Variants in SOD2 observed in about 807,000 individuals in gnomAD.
SOD2 encodes the protein superoxide dismutase [Mn], mitochondrial.
Under a neutral mutation model 27.0 loss-of-function variants are expected in SOD2, and 11 were observed. The ratio of observed to expected loss-of-function variants is 0.41; its 90% CI spans 0.26 to 0.67. The LOEUF is 0.67. Ranked by LOEUF, SOD2 falls within the 30% of genes least tolerant of loss-of-function variation. The pLI, the probability that SOD2 is intolerant of heterozygous loss-of-function variation, is 0.34. For missense variants in SOD2, 250 were observed against 274.5 expected (o/e 0.91, Z 0.63); for synonymous variants, 105 against 103.0 (o/e 1.02, Z -0.12).
intron 1 of SOD2, among the ~76,000 whole-genome samples, chr6:159,720,046 G>C (rs1778002836): frequency 7.0e-6 from 1 of 142,950 alleles, no homozygotes; most frequent in African/African-American, 2.6e-5. Context: ...TTTTTTGGTG[G>C]GGGGGACAGA....
In SOD2 at chr6:159,680,068, C is replaced by A. The variant is rs1779880572; in HGVS notation, c.*2425G>T. 6.6e-6 allele frequency: 1 copy of A among 152,170 alleles called. No individual in the cohort carries two copies. Among genetic ancestry groups the A allele is most frequent in the South Asian group, 2.1e-4 (1 of 4,832 alleles). The allele number at this position is 152,170 out of a possible 1,614,324, so 9.4% of individuals were successfully genotyped here. Reference sequence around the variant, plus strand: ...GAAAGAATGCTTCCTCACTCTCTCACCAGAAAGCCAAAGCAAAAATAGAGC... The same window carrying A: ...GAAAGAATGCTTCCTCACTCTCTCAACAGAAAGCCAAAGCAAAAATAGAGC... On this transcript the variant is annotated 3_prime_UTR_variant, in exon 5 of 5. Coordinates refer to ENST00000538183, the MANE Select transcript of SOD2 (RefSeq NM_000636.4).
chr6:159,696,332 C>G (rs1178287805), upstream of SOD2, among the ~76,000 whole-genome samples: 1 of 152,018 alleles, frequency 6.6e-6, no homozygotes, highest in African/African-American at 2.4e-5. Flanking sequence ...TTTATTTTTT[C>G]TTTCCGAATC....
At chr6:159,700,054 CATAAA>C (rs1469022659) in intron 1 of SOD2, among the ~76,000 whole-genome samples, 1 of 152,188 alleles carries the variant, frequency 6.6e-6, no homozygotes, top group African/African-American at 2.4e-5. Context: ...GATAAAATCG[CATAAA>C]ATAAAACTTC....
In SOD2 at chr6:159,673,186, T is replaced by C. The variant is rs948640826; in HGVS notation, c.*9307A>G. ...CACCCCACTGTCAATATTAGACAGA[T>C]CAACGAGACAGAAAGTTAACAAGGA... is the stretch of plus-strand genomic sequence containing the variant. On this transcript the variant is annotated 3_prime_UTR_variant, in exon 5 of 5. Coordinates refer to ENST00000538183, the MANE Select transcript of SOD2 (RefSeq NM_000636.4). The C allele has an allele frequency of 6.6e-6, 1 of 152,102 alleles. No homozygotes were observed. 9.4% of individuals were successfully genotyped at this position (152,102 alleles called of 1,614,324 possible).
intron 1 of SOD2, among the ~76,000 whole-genome samples, chr6:159,734,008 TTTAC>T (rs1336865891): frequency 1.3e-5 from 2 of 152,218 alleles, no homozygotes; most frequent in African/African-American, 4.8e-5. Flanking sequence ...TTCAACACAA[TTTAC>T]TTAATCTGAA....
rs1397481811 is a variant in SOD2, at chr6:159,671,891, C to A, written c.*10602G>T. On this transcript the variant is annotated 3_prime_UTR_variant, in exon 5 of 5. Coordinates refer to ENST00000538183, the MANE Select transcript of SOD2 (RefSeq NM_000636.4). The stretch of plus-strand genomic sequence containing the variant: ...ACTAGAATAACCAGCATAGAGAAGT[C>A]CTTAAATGACCTGATGGAGCTGAAA... The A allele has an allele frequency of 6.6e-6, 1 of 152,134 alleles. No homozygotes were observed. The highest frequency in any genetic ancestry group is 2.4e-5 in the African/African-American group (1 of 41,426). 9.4% of individuals were successfully genotyped at this position (152,134 alleles called of 1,614,324 possible). A position where few individuals can be genotyped will look rare whatever the true frequency, so the allele number is the denominator to read the frequency against.
intron 1 of SOD2, chr6:159,741,505 A>G (rs1161469893): frequency 2.6e-5 from 4 of 151,502 alleles, no homozygotes; most frequent in Non-Finnish European, 5.9e-5. Context: ...CAGCAGTGGG[A>G]TTTTTTTTTC....
chr6:159,711,623 T>A (rs1340620309), intron 1 of SOD2, among the ~76,000 whole-genome samples: 2 of 91,040 alleles, frequency 2.2e-5, no homozygotes, highest in Non-Finnish European at 2.4e-5. Context: ...ACCACTCAGC[T>A]GCTCTGACCA....
chr6:159,690,284 C>CAAAAAAAA (rs11429489), intron 2 of SOD2, among the ~76,000 whole-genome samples: 1 of 67,016 alleles, frequency 1.5e-5, no homozygotes, highest in Non-Finnish European at 2.8e-5. Context: ...GAGATTCCGT[C>CAAAAAAAA]AAAAAAAAAA....
chr6:159,751,374 T>C (rs1259880327), intron 1 of SOD2, among the ~76,000 whole-genome samples: 3 of 152,226 alleles, frequency 2.0e-5, no homozygotes, highest in Non-Finnish European at 4.4e-5. Flanking sequence ...AAAATTCATA[T>C]AGTAAGAAGG....
At chr6:159,716,822 C>T (rs931847886) in intron 1 of SOD2, among the ~76,000 whole-genome samples, 3 of 151,414 alleles carry the variant, frequency 2.0e-5, no homozygotes, top group Non-Finnish European at 3.0e-5. Context: ...TCCAGTAGCA[C>T]ACTTGTTGAG....
chr6:159,711,588 GACCACC>G (rs1777768413), intron 1 of SOD2, among the ~76,000 whole-genome samples: 2 of 31,064 alleles, frequency 6.4e-5, no homozygotes, highest in African/African-American at 3.5e-4. Flanking sequence ...ACACTGCTCT[GACCACC>G]ATAACCACCT....
Position 159,682,381 on chromosome 6 carries a change from A to AAGC in SOD2, c.*109_*111dup. 1.2e-6 allele frequency: 1 copy of AAGC among 832,912 alleles called. No individual in the cohort carries two copies. The highest frequency in any genetic ancestry group is 1.7e-6 in the Non-Finnish European group (1 of 573,998). 51.6% of individuals were successfully genotyped at this position (832,912 alleles called of 1,614,324 possible). On this transcript the variant is annotated 3_prime_UTR_variant, in exon 5 of 5. Transcript: ENST00000538183. ...TAAGTTGTTTATGAAATAAGTGACT[A>AAGC]AGCAACATCAAGAAATGCTACAATA...
intron 1 of SOD2, among the ~76,000 whole-genome samples, chr6:159,735,405 CTGAGATTACAGTCG>C (rs1264276102): frequency 2.0e-5 from 3 of 152,206 alleles, no homozygotes; most frequent in African/African-American, 7.2e-5. Flanking sequence ...TCCCAAAATG[CTGAGATTACAGTCG>C]TGAGCCATCA....
Position 159,682,313 on chromosome 6 carries a change from T to C in SOD2, c.*180A>G, listed in dbSNP as rs56180854. 2.5e-4 allele frequency: 115 copies of C among 466,948 alleles called. No individual in the cohort carries two copies. In the East Asian group the frequency reaches 4.0e-3, roughly 16 times the overall value. The allele number at this position is 466,948 out of a possible 1,614,324, so 28.9% of individuals were successfully genotyped here. A position where few individuals can be genotyped will look rare whatever the true frequency, so the allele number is the denominator to read the frequency against. On this transcript the variant is annotated 3_prime_UTR_variant, in exon 5 of 5. Coordinates refer to ENST00000538183, the MANE Select transcript of SOD2 (RefSeq NM_000636.4). The stretch of plus-strand genomic sequence containing the variant: ...CAAAGCATTTACTATTTTCAATCAC[T>C]TGCCCAATAACAAAATGTTTAGTAA...
intron 4 of SOD2, among the ~76,000 whole-genome samples, chr6:159,683,950 C>T (rs1780069275): frequency 6.6e-6 from 1 of 152,214 alleles, no homozygotes; most frequent in South Asian, 2.1e-4. Flanking sequence ...GAAGGTATCA[C>T]TTTAAGTTCA....
At chr6:159,687,194 C>A (rs1261345508) in intron 3 of SOD2, among the ~76,000 whole-genome samples, 1 of 152,108 alleles carries the variant, frequency 6.6e-6, no homozygotes, top group African/African-American at 2.4e-5. Flanking sequence ...ACAGAAAGTT[C>A]ATCTTTTCTA....
At chr6:159,707,278 C>T (rs950957181) in intron 1 of SOD2, among the ~76,000 whole-genome samples, 6 of 152,102 alleles carry the variant, frequency 3.9e-5, no homozygotes, top group African/African-American at 1.4e-4. Flanking sequence ...CAGAGCAGAA[C>T]TGAAGGAGAC....
intron 2 of SOD2, chr6:159,692,206 T>G: frequency 3.0e-6 from 1 of 333,030 alleles, no homozygotes. Context: ...CGATGATGTC[T>G]GGCCACCAGT....
Sources: allele counts gnomAD v4.1 joint callset (sites outside exome capture counted in the v4.1 genomes callset), GRCh38; gene constraint gnomAD v4.1.1; transcripts MANE v1.5; gene names NCBI Gene and HGNC (gene_info 2026-07-23, HGNC 2026-07-21).